The following SMOC2 variants were observed in gnomAD, a reference collection of about 807,000 sequenced individuals.
SMOC2 encodes the protein SPARC-related modular calcium-binding protein 2.
A neutral mutation model predicts 61.4 loss-of-function variants in SMOC2; 39 were observed. That is an observed-to-expected ratio of 0.64 (90% CI 0.49 to 0.83). SMOC2 has a LOEUF of 0.83. Among genes scored for constraint, SMOC2 ranks in the 40% least tolerant of loss-of-function variants. The probability of loss-of-function intolerance (pLI) is 0.00; values close to 1 mark genes in which losing one functional copy is unlikely to be tolerated. For missense variants in SMOC2, 556 were observed against 592.9 expected (o/e 0.94, Z 0.65); for synonymous variants, 247 against 239.9 (o/e 1.03, Z -0.27).
intron 2 of SMOC2, among the ~76,000 whole-genome samples, chr6:168,520,149 C>T (rs908766990): frequency 6.6e-6 from 1 of 152,094 alleles, no homozygotes; most frequent in South Asian, 2.1e-4. Flanking sequence ...GTTGGGGGCG[C>T]TTATCACAGC....
intron 9 of SMOC2, among the ~76,000 whole-genome samples, chr6:168,624,644 TCA>T (rs1011150079): frequency 2.3e-5 from 2 of 87,192 alleles, no homozygotes; most frequent in African/African-American, 4.3e-5. Flanking sequence ...CAGTACAAAT[TCA>T]CACACAGACA....
chr6:168,652,519 C>T (rs1787221095), intron 10 of SMOC2, among the ~76,000 whole-genome samples: 1 of 152,156 alleles, frequency 6.6e-6, no homozygotes, highest in African/African-American at 2.4e-5. Flanking sequence ...AATATCTAGT[C>T]CCAACTTAAA....
Position 168,453,598 on chromosome 6 carries a change from G to C in SMOC2, c.84+12144G>C, listed in dbSNP as rs927907327. 6.8e-6 allele frequency among the ~76,000 whole-genome samples: 1 copy of C among 147,624 alleles called. No individual in the cohort carries two copies. The highest frequency in any genetic ancestry group is 6.7e-5 in the Admixed American group (1 of 14,974). Reference sequence around the variant, plus strand: ...TCTGCCATTTGCTCTCTCTCTTTCTGTCTGTCTCTGTTTCTTCCTGTCTCT... The same window carrying C: ...TCTGCCATTTGCTCTCTCTCTTTCTCTCTGTCTCTGTTTCTTCCTGTCTCT... On this transcript the variant is annotated intron_variant, in intron 1 of 12. Coordinates refer to ENST00000356284, the MANE Select transcript of SMOC2 (RefSeq NM_001166412.2). This position sits in a 1 kb window ranked among gnomAD's most constrained non-coding sequence, Gnocchi z 4.4.
At chr6:168,449,429 A>G (rs76301214) in intron 1 of SMOC2, among the ~76,000 whole-genome samples, 1,679 of 152,302 alleles carry the variant, frequency 0.011, 30 homozygotes, top group African/African-American at 0.037. Flanking sequence ...TTCAAATAAC[A>G]AAGGAAATTC....
At chr6:168,558,484 C>G (rs1216249767) in intron 7 of SMOC2, among the ~76,000 whole-genome samples, 1 of 152,204 alleles carries the variant, frequency 6.6e-6, no homozygotes, top group Non-Finnish European at 1.5e-5. Flanking sequence ...CTGGGAAGGA[C>G]AGAAGGGGGG....
intron 1 of SMOC2, among the ~76,000 whole-genome samples, chr6:168,490,679 A>G (rs1178574479): frequency 1.3e-5 from 2 of 152,190 alleles, no homozygotes; most frequent in African/African-American, 4.8e-5. Context: ...GTGTTTAGAG[A>G]CAGCAGGTCA....
intron 2 of SMOC2, among the ~76,000 whole-genome samples, chr6:168,518,535 G>T (rs1783211018): frequency 6.6e-6 from 1 of 151,758 alleles, no homozygotes; most frequent in Non-Finnish European, 1.5e-5. Context: ...GTGGATGTGT[G>T]AGAGCGTGTG....
At chr6:168,572,815 T>G (rs199627604) in intron 7 of SMOC2, among the ~76,000 whole-genome samples, 3 of 43,816 alleles carry the variant, frequency 6.8e-5, no homozygotes, top group South Asian at 1.4e-3. Context: ...CCCCGGGTGC[T>G]GGGACCAGGG....
At chr6:168,516,283 A>G (rs1440497053) in intron 2 of SMOC2, among the ~76,000 whole-genome samples, 1 of 152,034 alleles carries the variant, frequency 6.6e-6, no homozygotes, top group African/African-American at 2.4e-5. Flanking sequence ...ATGTTTTCAG[A>G]ACTCTGCACA....
At chr6:168,600,139 T>C (rs1211250995) in intron 8 of SMOC2, among the ~76,000 whole-genome samples, 2 of 152,038 alleles carry the variant, frequency 1.3e-5, no homozygotes, top group Non-Finnish European at 2.9e-5. Context: ...GGCGCGGTGG[T>C]TCACGCCTGT....
At chr6:168,605,565 G>A (rs548880856) in intron 8 of SMOC2, among the ~76,000 whole-genome samples, 1 of 152,272 alleles carries the variant, frequency 6.6e-6, no homozygotes, top group South Asian at 2.1e-4. Flanking sequence ...ATACTGTCAT[G>A]TAAATATATA....
At chr6:168,656,555 G>GAA (rs5881806) in intron 11 of SMOC2, among the ~76,000 whole-genome samples, 4,520 of 135,970 alleles carry the variant, frequency 0.033, 146 homozygotes, top group East Asian at 0.2. Context: ...AAGAGAAAAG[G>GAA]AAAAAAAAAA....
At chr6:168,581,986 C>T (rs551496011) in intron 7 of SMOC2, among the ~76,000 whole-genome samples, 2 of 152,340 alleles carry the variant, frequency 1.3e-5, no homozygotes, top group East Asian at 3.9e-4. Flanking sequence ...AAACAATCAG[C>T]ATTAGCTTGT....
At chr6:168,613,541 A>G (rs113593835) in intron 9 of SMOC2, among the ~76,000 whole-genome samples, 37,450 of 149,116 alleles carry the variant, frequency 0.25, 4,877 homozygotes, top group Non-Finnish European at 0.26. Context: ...TGGAAGCTCT[A>G]TGGACCCAGC....
chr6:168,562,780 G>A (rs1320452383), intron 7 of SMOC2, among the ~76,000 whole-genome samples: 1 of 152,200 alleles, frequency 6.6e-6, no homozygotes, highest in African/African-American at 2.4e-5. Flanking sequence ...TGATGGTCCT[G>A]CCCCGGGAGA....
chr6:168,549,332 C>T (rs1367435029), intron 7 of SMOC2, 129 bp downstream of exon 7: 3 of 752,292 alleles, frequency 4.0e-6, no homozygotes, highest in Non-Finnish European at 6.6e-6. Flanking sequence ...GGGGTGCAGA[C>T]CTGGCACAAA....
In SMOC2 at chr6:168,453,246, C is replaced by T. The variant is rs964638379; in HGVS notation, c.84+11792C>T. Among the ~76,000 whole-genome samples, 3 of 152,134 alleles carry T rather than the reference C, an allele frequency of 2.0e-5. No homozygotes were observed. ...GAGGAACTCGGGACCCAGGGCTGTG[C>T]CCCAAGAGGGTGTGGGGCAGCCAGG... On this transcript the variant is annotated intron_variant, in intron 1 of 12. Coordinates refer to ENST00000356284, the MANE Select transcript of SMOC2 (RefSeq NM_001166412.2). This position sits in a 1 kb window ranked among gnomAD's most constrained non-coding sequence, Gnocchi z 4.4.
rs532994580 is a variant in SMOC2 at position 168,481,847 on chromosome 6, CA to C, written c.85-28061del. On this transcript the variant is annotated intron_variant, in intron 1 of 12. Coordinates refer to ENST00000356284, the MANE Select transcript of SMOC2 (RefSeq NM_001166412.2). ...GAAAGAATGGAAAAAGATTCCATGCCAAAAAAATAACCAAAATAAAGTAACC... is the reference window on the plus strand; with the variant it reads ...GAAAGAATGGAAAAAGATTCCATGCCAAAAAATAACCAAAATAAAGTAACC... Among the ~76,000 whole-genome samples the C allele has an allele frequency of 4.2e-3, 632 of 151,180 alleles. 7 individuals are homozygous for C. Among genetic ancestry groups the C allele is most frequent in the African/African-American group, 0.014 (593 of 41,294 alleles).
intron 7 of SMOC2, among the ~76,000 whole-genome samples, chr6:168,554,107 C>T (rs575230605): frequency 5.3e-5 from 8 of 152,052 alleles, no homozygotes; most frequent in South Asian, 2.1e-4. Context: ...TGGGACGAGT[C>T]GGTTAAAACT....
Sources: allele counts gnomAD v4.1 joint callset (sites outside exome capture counted in the v4.1 genomes callset), GRCh38; gene constraint gnomAD v4.1.1; non-coding constraint Gnocchi (gnomAD v3.1); transcripts MANE v1.5; gene names NCBI Gene and HGNC (gene_info 2026-07-23, HGNC 2026-07-21).